The following CDH26 variants were observed in gnomAD, a reference collection of about 807,000 sequenced individuals.
CDH26 encodes cadherin 26.
A neutral mutation model predicts 90.3 loss-of-function variants in CDH26; 83 were observed. The ratio of observed to expected loss-of-function variants is 0.92; its 90% confidence interval spans 0.77 to 1.10. The LOEUF (loss-of-function observed/expected upper bound fraction) is 1.10. CDH26 is among the 50% of genes least tolerant of loss of function. CDH26 has a pLI of 0.00. For synonymous variants in CDH26, 397 were observed against 396.3 expected (o/e 1.00, Z -0.02); for missense variants, 1,013 against 1,037.6 (o/e 0.98, Z 0.33).
At chr20:60,002,511 G>T (rs968393150) in intron 15 of CDH26, among the ~76,000 whole-genome samples, 1 of 152,044 alleles carries the variant, frequency 6.6e-6, no homozygotes, top group Non-Finnish European at 1.5e-5. Flanking sequence ...CTAGGCCTGG[G>T]TCCTAGGAGT....
chr20:60,024,944 G>C (rs887528569), intron 7 of CDH26, among the ~76,000 whole-genome samples: 1 of 152,222 alleles, frequency 6.6e-6, no homozygotes, highest in Non-Finnish European at 1.5e-5. Context: ...GTCCTGCAGA[G>C]AGCAGGTGCG....
chr20:59,966,547 C>T (rs1387407288), intron 1 of CDH26, among the ~76,000 whole-genome samples: 2 of 152,210 alleles, frequency 1.3e-5, no homozygotes, highest in Non-Finnish European at 2.9e-5. Context: ...AGTGCGTGAG[C>T]AAGTGCATGG....
intron 4 of CDH26, among the ~76,000 whole-genome samples, chr20:59,981,305 T>C (rs2061392591): frequency 6.6e-6 from 1 of 152,186 alleles, no homozygotes; most frequent in Admixed American, 6.5e-5. Context: ...CATGCTGACT[T>C]TATAGGTCAA....
At chr20:59,988,016 G>A (rs1461323833) in intron 8 of CDH26, among the ~76,000 whole-genome samples, 1 of 152,150 alleles carries the variant, frequency 6.6e-6, no homozygotes, top group Non-Finnish European at 1.5e-5. Flanking sequence ...TTTCATCTGA[G>A]TTTTCAATGT....
rs1162563766 is a variant in CDH26 at position 59,994,469 on chromosome 20, G to A, written c.1646G>A (p.Trp549Ter). 2 of 1,614,114 alleles carry A rather than the reference G, an allele frequency of 1.2e-6. No homozygotes were observed. The highest frequency in any genetic ancestry group is 1.7e-5 in the Admixed American group (1 of 60,028). Residue 549 changes from tryptophan (W) to a stop codon, truncating the protein, a stop_gained, in exon 11 of 18, where the codon TGG (tryptophan) becomes TAG (stop). Coordinates refer to ENST00000348616, the MANE Select transcript of CDH26 (RefSeq NM_177980.4). LOFTEE classifies it high-confidence loss of function. ...ACCTGGGGAAATGCGGAGGACACAT[G>A]GAAGTTGGGGAGAAATTGGGGTGAG... ...DNTWGNAEDT[W>*]KLGRNWGQSV...
intron 4 of CDH26, 144 bp downstream of exon 4, chr20:59,972,267 C>A (rs2061272389): frequency 5.5e-6 from 4 of 722,080 alleles, no homozygotes; most frequent in Non-Finnish European, 6.8e-6. Flanking sequence ...TACGAGTATG[C>A]CTGAGACTTT....
chr20:59,977,920 A>G (rs1042906680), intron 4 of CDH26, among the ~76,000 whole-genome samples: 1 of 151,396 alleles, frequency 6.6e-6, no homozygotes, highest in African/African-American at 2.4e-5. Context: ...CTGCCCATTC[A>G]CCCCTCCCTA....
chr20:60,033,356 C>T (rs2062058580), intron 8 of CDH26: 3 of 1,177,904 alleles, frequency 2.5e-6, no homozygotes, highest in Non-Finnish European at 3.2e-6. Context: ...TTCGTGTACA[C>T]AGGCTGCCTT....
At chr20:60,027,840 C>T (rs951746020) in intron 7 of CDH26, among the ~76,000 whole-genome samples, 1 of 152,142 alleles carries the variant, frequency 6.6e-6, no homozygotes, top group African/African-American at 2.4e-5. Flanking sequence ...AGTTTATATT[C>T]TATGTGGGTG....
intron 4 of CDH26, among the ~76,000 whole-genome samples, chr20:59,975,555 A>G (rs1027121149): frequency 6.6e-6 from 1 of 152,224 alleles, no homozygotes; most frequent in African/African-American, 2.4e-5. Flanking sequence ...CCAGGGGCTT[A>G]CACACTATTT....
chr20:60,022,587 C>T (rs369353245), intron 7 of CDH26, among the ~76,000 whole-genome samples: 48 of 152,184 alleles, frequency 3.2e-4, no homozygotes, highest in African/African-American at 1.1e-3. Flanking sequence ...GGCATAGCAA[C>T]GGTCCCCTCA....
At chr20:60,003,329 A>G (rs1469851442) in intron 16 of CDH26, among the ~76,000 whole-genome samples, 1 of 152,250 alleles carries the variant, frequency 6.6e-6, no homozygotes, top group African/African-American at 2.4e-5. Flanking sequence ...CATTAATGAC[A>G]TATACCTATT....
intron 13 of CDH26, among the ~76,000 whole-genome samples, chr20:59,999,343 C>T (rs191300382): frequency 2.0e-5 from 3 of 152,252 alleles, no homozygotes; most frequent in East Asian, 1.9e-4. Context: ...TTACATGGAA[C>T]CCTGAACCAT....
At chr20:59,970,824 A>AT (rs2061252538) in intron 3 of CDH26, among the ~76,000 whole-genome samples, 1 of 150,298 alleles carries the variant, frequency 6.7e-6, no homozygotes, top group African/African-American at 2.4e-5. Context: ...AAATAAATAA[A>AT]TAAATAAATA....
intron 4 of CDH26, among the ~76,000 whole-genome samples, chr20:59,976,646 A>T (rs1006971436): frequency 2.6e-5 from 4 of 152,188 alleles, no homozygotes; most frequent in African/African-American, 7.2e-5. Context: ...ACAAAAATTT[A>T]AAAATGTATG....
chr20:60,009,239 C>T (rs947849253), intron 17 of CDH26, among the ~76,000 whole-genome samples: 19 of 152,256 alleles, frequency 1.2e-4, no homozygotes, highest in African/African-American at 4.6e-4. Flanking sequence ...TACAGACGGG[C>T]CCACCTGATC....
chr20:59,986,616 TACAC>T (rs3043440), intron 7 of CDH26, among the ~76,000 whole-genome samples: 8,749 of 136,650 alleles, frequency 0.064, 275 homozygotes, highest in Non-Finnish European at 0.073. Context: ...TAAATCCCCC[TACAC>T]ACACACACAC....
At chr20:59,971,189 C>T (rs748626166) in intron 3 of CDH26, among the ~76,000 whole-genome samples, 8 of 152,186 alleles carry the variant, frequency 5.3e-5, no homozygotes, top group East Asian at 3.9e-4. Flanking sequence ...AAATAGTGCA[C>T]GCCTACTGTT....
chr20:60,014,529 A>C lies in CDH26; in HGVS notation c.*1799A>C, dbSNP rs572452600. ...CGAGATAAACTTGGTTTTAGCTTCC[A>C]CATATGTGTGAGGACATGTGATTTT... On this transcript the variant is annotated 3_prime_UTR_variant, in exon 18 of 18. Transcript: ENST00000348616. The C allele has an allele frequency of 1.3e-4, 20 of 152,278 alleles. No homozygotes were observed. Among genetic ancestry groups the C allele is most frequent in the Non-Finnish European group, 2.6e-4 (18 of 68,038 alleles). 9.4% of individuals were successfully genotyped at this position (152,278 alleles called of 1,614,324 possible). A position where few individuals can be genotyped will look rare whatever the true frequency, so the allele number is the denominator to read the frequency against.
Sources: allele counts gnomAD v4.1 joint callset (sites outside exome capture counted in the v4.1 genomes callset), GRCh38; gene constraint gnomAD v4.1.1; transcripts MANE v1.5; gene names NCBI Gene and HGNC (gene_info 2026-07-23, HGNC 2026-07-21).